CGGBP1: variants seen among roughly 807,000 people sequenced by gnomAD.
The protein encoded by CGGBP1 is CGG triplet repeat binding protein 1.
In CGGBP1, 4 loss-of-function variants were observed where a neutral mutation model predicts 11.4. The ratio of observed to expected loss-of-function variants is 0.35; its 90% CI spans 0.17 to 0.80. The LOEUF (loss-of-function observed/expected upper bound fraction) is 0.80, where lower values mean the gene tolerates loss of function less well. Among genes scored for constraint, CGGBP1 ranks in the 30% least tolerant of loss-of-function variants. The probability of loss-of-function intolerance (pLI) is 0.52; values close to 1 mark genes in which losing one functional copy is unlikely to be tolerated. For synonymous variants in CGGBP1, 76 were observed against 74.1 expected (o/e 1.03, Z -0.13); for missense variants, 135 against 202.1 (o/e 0.67, Z 2.01).
At chr3:88,067,835 A>G (rs578176279) in intron 2 of CGGBP1, among the ~76,000 whole-genome samples, 11 of 151,894 alleles carry the variant, frequency 7.2e-5, no homozygotes, top group Non-Finnish European at 1.2e-4. Flanking sequence ...AAGGAAAGAT[A>G]TGGTGGTAAC....
Position 88,068,013 on chromosome 3 carries a change from G to A in CGGBP1, c.-228-9790C>T, listed in dbSNP as rs1707300147. On this transcript the variant is annotated intron_variant, in intron 2 of 3. Coordinates refer to the CGGBP1 transcript ENST00000462901. ...TCTATATTATAAGACCCCTGAAGGGGAGTAAGGACAACACTCAAAGCACAA... is the reference window on the plus strand; with the variant it reads ...TCTATATTATAAGACCCCTGAAGGGAAGTAAGGACAACACTCAAAGCACAA... Among the ~76,000 whole-genome samples, 3 of 152,124 alleles carry A rather than the reference G, an allele frequency of 2.0e-5. No homozygotes were observed. The South Asian group carries it at 6.2e-4, about 32-fold the overall frequency.
At chr3:88,147,476 G>A (rs1183649060) in intron 1 of CGGBP1, among the ~76,000 whole-genome samples, 4 of 152,180 alleles carry the variant, frequency 2.6e-5, no homozygotes, top group African/African-American at 4.8e-5. Context: ...CTAGTCTGGA[G>A]AGATTGACAG....
chr3:88,146,501 T>G (rs1276069089), intron 1 of CGGBP1, among the ~76,000 whole-genome samples: 2 of 152,210 alleles, frequency 1.3e-5, no homozygotes, highest in Non-Finnish European at 2.9e-5. Context: ...GAACAGAATT[T>G]GATGGAAACA....
intron 2 of CGGBP1, chr3:88,086,155 CGAT>C: frequency 9.4e-7 from 1 of 1,060,602 alleles, no homozygotes; most frequent in African/African-American, 1.6e-5. Flanking sequence ...GTGTTCATGC[CGAT>C]CTAATATTTT....
chr3:88,063,160 AG>A (rs1271149049), upstream of CGGBP1, among the ~76,000 whole-genome samples: 4 of 152,106 alleles, frequency 2.6e-5, no homozygotes, highest in Non-Finnish European at 2.9e-5. Flanking sequence ...TAGTGCATGG[AG>A]GCTAGAGATG....
chr3:88,126,818 CTG>C (rs931081097), intron 2 of CGGBP1, among the ~76,000 whole-genome samples: 1 of 152,052 alleles, frequency 6.6e-6, no homozygotes, highest in Non-Finnish European at 1.5e-5. Flanking sequence ...AAGTGACTAA[CTG>C]AATGAATAAA....
chr3:88,071,727 C>A (rs1707525334), intron 2 of CGGBP1, among the ~76,000 whole-genome samples: 1 of 152,012 alleles, frequency 6.6e-6, no homozygotes, highest in Non-Finnish European at 1.5e-5. Context: ...TCACTTGAAC[C>A]CGGGAGGCAG....
upstream of CGGBP1, among the ~76,000 whole-genome samples, chr3:88,061,191 T>A (rs1013511464): frequency 1.3e-5 from 2 of 152,132 alleles, no homozygotes; most frequent in Non-Finnish European, 2.9e-5. Context: ...AGGATACAAT[T>A]TATATTTTTA....
upstream of CGGBP1, chr3:88,059,045 C>T (rs1427143936): frequency 1.8e-6 from 1 of 558,444 alleles, no homozygotes; most frequent in African/African-American, 2.0e-5. Flanking sequence ...CGCCGAGCAG[C>T]ATTGACCAAC....
intron 3 of CGGBP1, chr3:88,056,389 A>G (rs1706542658): frequency 6.5e-6 from 1 of 153,854 alleles, no homozygotes; most frequent in African/African-American, 2.4e-5. Flanking sequence ...AGTTCAAAAG[A>G]GCTTCTTTCC....
intron 2 of CGGBP1, among the ~76,000 whole-genome samples, chr3:88,082,462 AAC>A (rs1174614802): frequency 6.6e-6 from 1 of 152,206 alleles, no homozygotes; most frequent in Non-Finnish European, 1.5e-5. Context: ...ATTCGCTGTA[AAC>A]AAATGATGAA....
chr3:88,067,990 T>A (rs1425680996), intron 2 of CGGBP1, among the ~76,000 whole-genome samples: 1 of 152,038 alleles, frequency 6.6e-6, no homozygotes, highest in Admixed American at 6.5e-5. Context: ...AGGGATTATC[T>A]ATATTATAAG....
chr3:88,101,356 T>C (rs1488376835), intron 2 of CGGBP1, among the ~76,000 whole-genome samples: 1 of 152,156 alleles, frequency 6.6e-6, no homozygotes, highest in Non-Finnish European at 1.5e-5. Flanking sequence ...AGACATTTCA[T>C]ATAAATGATA....
At chr3:88,132,411 T>A (rs965192405) in intron 2 of CGGBP1, among the ~76,000 whole-genome samples, 1 of 152,164 alleles carries the variant, frequency 6.6e-6, no homozygotes, top group African/African-American at 2.4e-5. Flanking sequence ...ACACATTGAA[T>A]AAAGGAAAAC....
chr3:88,141,168 T>C, intron 1 of CGGBP1: 1 of 1,139,148 alleles, frequency 8.8e-7, no homozygotes, highest in Non-Finnish European at 1.2e-6. Flanking sequence ...TAGTGAAGCA[T>C]TACTCCATAC....
intron 2 of CGGBP1, among the ~76,000 whole-genome samples, chr3:88,073,920 AC>A (rs1362901066): frequency 6.6e-6 from 1 of 152,224 alleles, no homozygotes; most frequent in Admixed American, 6.5e-5. Context: ...ATGTCTCAGT[AC>A]TTAAGAGTAT....
At chr3:88,095,214 T>A (rs1438041886) in intron 2 of CGGBP1, among the ~76,000 whole-genome samples, 1 of 152,184 alleles carries the variant, frequency 6.6e-6, no homozygotes, top group Non-Finnish European at 1.5e-5. Context: ...TTGTTTCCTT[T>A]TTTATTTTTT....
chr3:88,143,086 A>T (rs1486820307), intron 1 of CGGBP1: 2 of 152,290 alleles, frequency 1.3e-5, no homozygotes, highest in Non-Finnish European at 3.0e-5. Context: ...TAAATAATAA[A>T]ATCTTTGTTC....
chr3:88,079,542 A>G (rs1707976727), intron 2 of CGGBP1, among the ~76,000 whole-genome samples: 1 of 152,034 alleles, frequency 6.6e-6, no homozygotes, highest in Non-Finnish European at 1.5e-5. Context: ...AGTTATCTGT[A>G]AAGTTAAGTA....
Sources: gnomAD v4.1 joint callset for allele counts (sites outside exome capture counted in the v4.1 genomes callset) on GRCh38, gnomAD v4.1.1 for gene constraint, MANE v1.5 for transcripts, NCBI Gene and HGNC (gene_info 2026-07-23, HGNC 2026-07-21) for gene names.